PTPRD: variants seen among roughly 807,000 people sequenced by gnomAD.
PTPRD encodes the protein receptor-type tyrosine-protein phosphatase delta.
In PTPRD, 34 loss-of-function variants were observed where a neutral mutation model predicts 214.5. That is an observed-to-expected ratio of 0.16 (90% CI 0.12 to 0.21). The LOEUF (loss-of-function observed/expected upper bound fraction) is 0.21. Among genes scored for constraint, PTPRD ranks in the 10% least tolerant of loss-of-function variants. The pLI, the probability that PTPRD is intolerant of heterozygous loss-of-function variation, is 1.00. For synonymous variants in PTPRD, 1,128 were observed against 845.7 expected (o/e 1.33, Z -5.79); for missense variants, 2,545 against 2,398.7 (o/e 1.06, Z -1.27).
intron 11 of PTPRD, among the ~76,000 whole-genome samples, chr9:8,912,733 T>C (rs1304103998): frequency 1.3e-5 from 2 of 152,178 alleles, no homozygotes; most frequent in African/African-American, 4.8e-5. Context: ...AATATATTCA[T>C]TGTTTAGTTA....
At chr9:8,970,592 ATAG>A (rs1351421693) in intron 11 of PTPRD, among the ~76,000 whole-genome samples, 2 of 151,844 alleles carry the variant, frequency 1.3e-5, no homozygotes, top group African/African-American at 4.8e-5. Flanking sequence ...TAAAAAAGAC[ATAG>A]AAGTGGAGAA....
At chr9:9,954,170 C>G (rs1484224156) in intron 4 of PTPRD, among the ~76,000 whole-genome samples, 4 of 151,622 alleles carry the variant, frequency 2.6e-5, no homozygotes, top group Non-Finnish European at 5.9e-5. Flanking sequence ...GTGGTGTGCA[C>G]CTGTAATCCC....
chr9:8,545,484 A>G (rs905164423), intron 14 of PTPRD, among the ~76,000 whole-genome samples: 2 of 152,226 alleles, frequency 1.3e-5, no homozygotes, highest in Non-Finnish European at 2.9e-5. Flanking sequence ...GGTAGTTCCG[A>G]GGAAAACCAT....
At chr9:9,274,112 C>T (rs977732003) in intron 9 of PTPRD, among the ~76,000 whole-genome samples, 3 of 151,042 alleles carry the variant, frequency 2.0e-5, no homozygotes, top group African/African-American at 7.3e-5. Context: ...CTTGGATGTC[C>T]TCCTTCTGTC....
chr9:9,058,017 C>G (rs962809799), intron 10 of PTPRD, among the ~76,000 whole-genome samples: 3 of 152,104 alleles, frequency 2.0e-5, no homozygotes, highest in Admixed American at 2.0e-4. Context: ...GATTTCAATA[C>G]TCTATTGTTT....
rs1554723863 is a variant in PTPRD, at chr9:9,624,277, T to TTTG, written c.-286-49497_-286-49496insCAA. Among the ~76,000 whole-genome samples the TTTG allele has an allele frequency of 3.7e-3, 556 of 151,644 alleles. 4 individuals carry two copies. The highest frequency in any genetic ancestry group is 0.013 in the African/African-American group (530 of 41,132). On this transcript the variant is annotated intron_variant, in intron 7 of 45. Coordinates refer to ENST00000381196, the MANE Select transcript of PTPRD (RefSeq NM_002839.4). ...TTTGTATTTCAGTAGCTAGTTTTTT[T>TTTG]TTTGTTTGTTTGTTTGTTTGTTTTT...
At chr9:8,564,011 A>G (rs1350230836) in intron 14 of PTPRD, among the ~76,000 whole-genome samples, 1 of 152,198 alleles carries the variant, frequency 6.6e-6, no homozygotes, top group African/African-American at 2.4e-5. Context: ...AGCAATACAT[A>G]TTGAGTAGAA....
In PTPRD at chr9:9,160,374, T is replaced by C. The variant is rs535914860; in HGVS notation, c.-143+22930A>G. Among the ~76,000 whole-genome samples, 40 of 152,122 alleles carry C rather than the reference T, an allele frequency of 2.6e-4. 1 individual carries two copies. Among genetic ancestry groups the C allele is most frequent in the Admixed American group, 9.8e-4 (15 of 15,264 alleles). On this transcript the variant is annotated intron_variant, in intron 10 of 45. Transcript: ENST00000381196. ...AACCTGATTAAAAATGGGCAAAGGA[T>C]TTGAAAACACATTTTTCAGAAGAAG...
chr9:8,736,385 T>C (rs570370701), intron 11 of PTPRD, among the ~76,000 whole-genome samples: 2 of 152,344 alleles, frequency 1.3e-5, no homozygotes, highest in Admixed American at 6.5e-5. Flanking sequence ...TGAAAATGAC[T>C]ATCAGTATTC....
intron 3 of PTPRD, among the ~76,000 whole-genome samples, chr9:10,283,282 T>G (rs2095217496): frequency 6.6e-6 from 1 of 152,190 alleles, no homozygotes. Flanking sequence ...CTTTCATCCA[T>G]AAGAAATATG....
rs549954121 is a variant in PTPRD, at chr9:8,540,937, T to C, written c.353-12158A>G. Reference sequence around the variant, plus strand: ...AACTGTGGTAGGTATTTGTTTTATCTGACAGGAGAAAATTGATTCTGAAAA... The same window carrying C: ...AACTGTGGTAGGTATTTGTTTTATCCGACAGGAGAAAATTGATTCTGAAAA... On this transcript the variant is annotated intron_variant, in intron 14 of 45. Coordinates refer to ENST00000381196, the MANE Select transcript of PTPRD (RefSeq NM_002839.4). Among the ~76,000 whole-genome samples, 5 of 152,314 alleles carry C rather than the reference T, an allele frequency of 3.3e-5. No individual in the cohort carries two copies. The East Asian group carries it at 9.7e-4, about 29-fold the overall frequency.
chr9:8,849,515 C>T (rs1276805559), intron 11 of PTPRD, among the ~76,000 whole-genome samples: 1 of 152,078 alleles, frequency 6.6e-6, no homozygotes, highest in Non-Finnish European at 1.5e-5. Flanking sequence ...CGTGAGCCAC[C>T]GCGCCTGGTC....
intron 10 of PTPRD, among the ~76,000 whole-genome samples, chr9:9,180,118 A>C (rs570220140): frequency 2.0e-5 from 3 of 151,986 alleles, no homozygotes; most frequent in South Asian, 4.2e-4. Context: ...AAGGATTAAA[A>C]ATCATGCTGC....
intron 36 of PTPRD, among the ~76,000 whole-genome samples, chr9:8,398,759 G>A (rs887861049): frequency 5.3e-5 from 8 of 152,092 alleles, no homozygotes; most frequent in African/African-American, 9.7e-5. Flanking sequence ...TCTTGGAAGT[G>A]GACAGACTGG....
intron 14 of PTPRD, among the ~76,000 whole-genome samples, chr9:8,633,029 T>C (rs1219286232): frequency 6.6e-6 from 1 of 151,870 alleles, no homozygotes; most frequent in Non-Finnish European, 1.5e-5. Flanking sequence ...GAGTACCATA[T>C]CCTGTTTCCT....
intron 35 of PTPRD, among the ~76,000 whole-genome samples, chr9:8,411,022 T>C (rs967404193): frequency 3.9e-5 from 6 of 152,062 alleles, no homozygotes; most frequent in African/African-American, 1.4e-4. Context: ...TTCCCAGAAG[T>C]ATATTAGAAT....
intron 9 of PTPRD, among the ~76,000 whole-genome samples, chr9:9,392,121 C>T (rs1158621662): frequency 6.6e-6 from 1 of 152,118 alleles, no homozygotes; most frequent in Admixed American, 6.6e-5. Context: ...TGAGGCAAAA[C>T]TCGTTATTTC....
intron 7 of PTPRD, among the ~76,000 whole-genome samples, chr9:9,581,422 A>C (rs2090731540): frequency 6.6e-6 from 1 of 152,176 alleles, no homozygotes; most frequent in Admixed American, 6.5e-5. Flanking sequence ...AATGCAAATA[A>C]ATGCTTTAAA....
chr9:9,707,603 C>A (rs994571815), intron 7 of PTPRD, among the ~76,000 whole-genome samples: 5 of 152,084 alleles, frequency 3.3e-5, no homozygotes, highest in Admixed American at 6.5e-5. Flanking sequence ...CAATAGCCTA[C>A]ATTTTTCTGA....
Sources: gnomAD v4.1 joint callset for allele counts (sites outside exome capture counted in the v4.1 genomes callset) on GRCh38, gnomAD v4.1.1 for gene constraint, MANE v1.5 for transcripts, NCBI Gene and HGNC (gene_info 2026-07-23, HGNC 2026-07-21) for gene names.